Variants in SLC24A4 observed in about 807,000 individuals in gnomAD.
SLC24A4 encodes solute carrier family 24 member 4.
A neutral mutation model predicts 79.0 loss-of-function variants in SLC24A4; 53 were observed. The observed-to-expected ratio is 0.67, with a 90% CI of 0.54 to 0.84. SLC24A4 has a LOEUF of 0.84. SLC24A4 is among the 40% of genes least tolerant of loss of function. SLC24A4 has a pLI of 0.00. For missense variants in SLC24A4, 731 were observed against 822.0 expected, an observed-to-expected ratio of 0.89 and a Z score of 1.35; for synonymous variants, 323 against 323.8, an observed-to-expected ratio of 1.00 and a Z score of 0.03.
At chr14:92,433,695 T>G (rs1237523741) in intron 2 of SLC24A4, among the ~76,000 whole-genome samples, 1 of 152,164 alleles carries the variant, frequency 6.6e-6, no homozygotes, top group Admixed American at 6.5e-5. Context: ...ACATCATCAC[T>G]CTAAGGGGCT....
At chr14:92,426,145 C>G (rs984964649) in intron 2 of SLC24A4, among the ~76,000 whole-genome samples, 5 of 152,056 alleles carry the variant, frequency 3.3e-5, no homozygotes, top group Non-Finnish European at 5.9e-5. Context: ...GGATTTGTGT[C>G]TCAGTCTGTT....
intron 2 of SLC24A4, among the ~76,000 whole-genome samples, chr14:92,392,486 C>CGGG (rs1245170278): frequency 2.0e-5 from 3 of 151,872 alleles, no homozygotes; most frequent in Non-Finnish European, 4.4e-5. Context: ...AGGTATGTAT[C>CGGG]GGGGTGACAG....
chr14:92,370,806 C>T (rs1038998868), intron 2 of SLC24A4, among the ~76,000 whole-genome samples: 2 of 152,038 alleles, frequency 1.3e-5, no homozygotes, highest in Non-Finnish European at 2.9e-5. Context: ...TGAGAGTTTC[C>T]CCAATGTTTA....
chr14:92,488,522 G>A (rs1456694791), intron 14 of SLC24A4, among the ~76,000 whole-genome samples: 1 of 46,918 alleles, frequency 2.1e-5, no homozygotes, highest in Non-Finnish European at 4.2e-5. Flanking sequence ...ATGGGGGCAG[G>A]GTACTCAGCC....
intron 12 of SLC24A4, among the ~76,000 whole-genome samples, chr14:92,476,812 T>G (rs1894790714): frequency 6.6e-6 from 1 of 152,222 alleles, no homozygotes; most frequent in Non-Finnish European, 1.5e-5. Flanking sequence ...TATATGGCCT[T>G]TTGTGTCTGA....
intron 2 of SLC24A4, among the ~76,000 whole-genome samples, chr14:92,369,950 G>C (rs1482009996): frequency 6.6e-6 from 1 of 152,156 alleles, no homozygotes; most frequent in East Asian, 1.9e-4. Flanking sequence ...ATGGATTTAG[G>C]GTTGAATTAC....
At position 92,339,743 on chromosome 14, in the gene SLC24A4, G is replaced by A. The variant is rs540205035; in HGVS notation, c.241+13765G>A. ...TTTGCAGGCTTTGGGAGCCAGGGAC[G>A]GTTTCTGAGCAATTCTGGGTTTTAG... On this transcript the variant is annotated intron_variant, in intron 2 of 16. Coordinates refer to ENST00000532405, the MANE Select transcript of SLC24A4 (RefSeq NM_153646.4). Among the ~76,000 whole-genome samples the A allele has an allele frequency of 2.6e-5, 4 of 152,314 alleles. No individual in the cohort carries two copies. In the East Asian group the frequency reaches 5.8e-4, roughly 22 times the overall value.
At position 92,390,849 on chromosome 14, in the gene SLC24A4, G is replaced by A. The variant is rs1007459456; in HGVS notation, c.242-43063G>A. 1.3e-4 allele frequency among the ~76,000 whole-genome samples: 20 copies of A among 152,178 alleles called. 1 individual carries two copies. The highest frequency in any genetic ancestry group is 4.6e-4 in the African/African-American group (19 of 41,440). On this transcript the variant is annotated intron_variant, in intron 2 of 16. Coordinates refer to ENST00000532405, the MANE Select transcript of SLC24A4 (RefSeq NM_153646.4). Reference sequence around the variant, plus strand: ...CGGATAATGCCAGCTGGTGCAGTAGGCCCTCTTGGTTCAGGGTCTTAGCAC... The same window carrying A: ...CGGATAATGCCAGCTGGTGCAGTAGACCCTCTTGGTTCAGGGTCTTAGCAC...
chr14:92,363,502 T>C, intron 2 of SLC24A4, among the ~76,000 whole-genome samples: 1 of 152,224 alleles, frequency 6.6e-6, no homozygotes, highest in East Asian at 1.9e-4. Flanking sequence ...TGCCAAGCGT[T>C]GCATGTAGCC....
In SLC24A4 at chr14:92,415,256, G is replaced by A. The variant is rs925495646; in HGVS notation, c.242-18656G>A. On this transcript the variant is annotated intron_variant, in intron 2 of 16. Coordinates refer to ENST00000532405, the MANE Select transcript of SLC24A4 (RefSeq NM_153646.4). ...CAGGCCTCCTGCCAGTGCATTCCTCGGCCAGGCTCTCCTAGGAAACAGGAT... is the reference window on the plus strand; with the variant it reads ...CAGGCCTCCTGCCAGTGCATTCCTCAGCCAGGCTCTCCTAGGAAACAGGAT... Among the ~76,000 whole-genome samples the A allele has an allele frequency of 4.3e-4, 65 of 152,030 alleles. 1 individual carries two copies. Among genetic ancestry groups the A allele is most frequent in the Non-Finnish European group, 1.6e-4 (11 of 68,014 alleles).
chr14:92,420,620 C>T (rs959180630), intron 2 of SLC24A4, among the ~76,000 whole-genome samples: 1 of 152,238 alleles, frequency 6.6e-6, no homozygotes, highest in African/African-American at 2.4e-5. Context: ...TGATCAACAG[C>T]AGTAGCAGCT....
intron 2 of SLC24A4, among the ~76,000 whole-genome samples, chr14:92,326,760 C>T (rs748967052): frequency 1.3e-5 from 2 of 152,172 alleles, no homozygotes; most frequent in Non-Finnish European, 2.9e-5. Context: ...GGGGATGATA[C>T]ATTCACAAGC....
In SLC24A4 at chr14:92,456,383, T is replaced by C. The variant is rs764876806; in HGVS notation, c.1051-21T>C. On this transcript the variant is annotated intron_variant, in intron 11 of 16. Transcript: ENST00000532405. ...GCTTTATCACATGCCTTGGTGTCCA[T>C]GTTGCCTCCTGTCCACACAGCGGCA... 6 of 1,613,476 alleles carry C rather than the reference T, an allele frequency of 3.7e-6. No individual in the cohort carries two copies. In the Admixed American group the frequency reaches 6.7e-5, roughly 18 times the overall value.
chr14:92,392,574 C>T (rs1595209571), intron 2 of SLC24A4, among the ~76,000 whole-genome samples: 1 of 151,264 alleles, frequency 6.6e-6, no homozygotes, highest in Admixed American at 6.6e-5. Context: ...GATTGCTATG[C>T]ATGTTTATTT....
chr14:92,467,340 C>A (rs1894180187), intron 12 of SLC24A4, among the ~76,000 whole-genome samples: 1 of 152,178 alleles, frequency 6.6e-6, no homozygotes, highest in South Asian at 2.1e-4. Flanking sequence ...AAGCACTTGA[C>A]AAAATCCAAC....
At chr14:92,443,504 G>A (rs1158000028) in intron 7 of SLC24A4, 30 bp downstream of exon 7, 1 of 1,612,268 alleles carries the variant, frequency 6.2e-7, no homozygotes, top group African/African-American at 1.3e-5. Context: ...CCAAGGTCAG[G>A]TTGGCTGGGA....
rs558774306 is a variant in SLC24A4, at chr14:92,427,897, G to A, written c.242-6015G>A. Among the ~76,000 whole-genome samples, 140 of 152,224 alleles carry A rather than the reference G, an allele frequency of 9.2e-4. 1 individual carries two copies. Among genetic ancestry groups the A allele is most frequent in the Middle Eastern group, 3.4e-3 (1 of 294 alleles). Reference sequence around the variant, plus strand: ...TGGAGTCTTCATGGTTGGGCTTAGCGCCCTTATAAAAGAGACCCCAGAGAG... The same window carrying A: ...TGGAGTCTTCATGGTTGGGCTTAGCACCCTTATAAAAGAGACCCCAGAGAG... On this transcript the variant is annotated intron_variant, in intron 2 of 16. Coordinates refer to ENST00000532405, the MANE Select transcript of SLC24A4 (RefSeq NM_153646.4).
At chr14:92,419,700 A>G (rs1891174819) in intron 2 of SLC24A4, among the ~76,000 whole-genome samples, 1 of 152,226 alleles carries the variant, frequency 6.6e-6, no homozygotes, top group African/African-American at 2.4e-5. Flanking sequence ...GATATAAAAG[A>G]TCCAATAATG....
chr14:92,381,524 C>G (rs1445211000), intron 2 of SLC24A4, among the ~76,000 whole-genome samples: 1 of 152,064 alleles, frequency 6.6e-6, no homozygotes, highest in Non-Finnish European at 1.5e-5. Flanking sequence ...GTGCAGCAAA[C>G]CACCATGGCA....
Sources: allele counts gnomAD v4.1 joint callset (sites outside exome capture counted in the v4.1 genomes callset), GRCh38; gene constraint gnomAD v4.1.1; transcripts MANE v1.5; gene names NCBI Gene and HGNC (gene_info 2026-07-23, HGNC 2026-07-21).